Variants in EXOC4 observed in about 807,000 individuals in gnomAD.
The protein encoded by EXOC4 is SEC8-like 1.
EXOC4 carries 71 observed loss-of-function variants against 107.2 expected under a neutral mutation model. That is an observed-to-expected ratio of 0.66 (90% CI 0.55 to 0.81). The LOEUF (loss-of-function observed/expected upper bound fraction) is 0.81. Ranked by LOEUF, EXOC4 falls within the 30% of genes least tolerant of loss-of-function variation. The pLI is 0.00. For synonymous variants in EXOC4, 456 were observed against 441.2 expected (o/e 1.03, Z -0.42); for missense variants, 1,108 against 1,189.6 (o/e 0.93, Z 1.01).
chr7:133,327,265 G>A (rs1348134396), intron 5 of EXOC4, among the ~76,000 whole-genome samples: 1 of 152,204 alleles, frequency 6.6e-6, no homozygotes, highest in Non-Finnish European at 1.5e-5. Flanking sequence ...CAGTACCTCA[G>A]TTGGAAATGC....
chr7:133,319,880 G>C (rs1336607154), intron 5 of EXOC4, among the ~76,000 whole-genome samples: 1 of 144,228 alleles, frequency 6.9e-6, no homozygotes, highest in Non-Finnish European at 1.5e-5. Flanking sequence ...AAAAAAGAAG[G>C]TAAAAATATT....
At chr7:133,391,138 T>C (rs1309084264) in intron 7 of EXOC4, among the ~76,000 whole-genome samples, 2 of 152,234 alleles carry the variant, frequency 1.3e-5, no homozygotes, top group Admixed American at 1.3e-4. Context: ...CAAACATTTT[T>C]TGACTAGCCA....
intron 13 of EXOC4, among the ~76,000 whole-genome samples, chr7:133,927,528 G>A (rs1256374770): frequency 6.6e-6 from 1 of 152,166 alleles, no homozygotes; most frequent in Non-Finnish European, 1.5e-5. Flanking sequence ...AAGTTTGAAG[G>A]AGTAAATGAA....
chr7:134,100,656 A>C, the EXOC4 span, among the ~76,000 whole-genome samples: 1 of 130,592 alleles, frequency 7.7e-6, no homozygotes, highest in Non-Finnish European at 1.7e-5. Flanking sequence ...AAGACATCTA[A>C]ATTTTGGAGC....
At chr7:133,398,508 C>G (rs1797021028) in intron 7 of EXOC4, among the ~76,000 whole-genome samples, 2 of 152,124 alleles carry the variant, frequency 1.3e-5, no homozygotes, top group South Asian at 4.1e-4. Flanking sequence ...ATTTCATGCT[C>G]TCTCTTTGCA....
At chr7:134,074,362 T>C in the EXOC4 span, among the ~76,000 whole-genome samples, 1 of 152,226 alleles carries the variant, frequency 6.6e-6, no homozygotes, top group Non-Finnish European at 1.5e-5. Flanking sequence ...AAGAAGCTTG[T>C]TAACCAGACT....
At chr7:133,470,248 GCATGTATAACCAC>G (rs1584942391) in intron 7 of EXOC4, among the ~76,000 whole-genome samples, 1 of 152,154 alleles carries the variant, frequency 6.6e-6, no homozygotes, top group East Asian at 1.9e-4. Context: ...AAAAACCTCT[GCATGTATAACCAC>G]AAACAGTTAT....
intron 9 of EXOC4, among the ~76,000 whole-genome samples, chr7:133,501,873 A>G (rs951188081): frequency 1.3e-5 from 2 of 152,112 alleles, no homozygotes; most frequent in Non-Finnish European, 2.9e-5. Flanking sequence ...AAGCCCACTT[A>G]TTATTTCCTC....
At chr7:134,088,471 A>G in the EXOC4 span, among the ~76,000 whole-genome samples, 1 of 152,182 alleles carries the variant, frequency 6.6e-6, no homozygotes, top group African/African-American at 2.4e-5. Context: ...TGTCTTTGAA[A>G]AACAAAACAA....
At position 133,483,949 on chromosome 7, in the gene EXOC4, A is replaced by G. The variant is rs781086328; in HGVS notation, c.1417+3811A>G. 3 of 1,331,982 alleles carry G rather than the reference A, an allele frequency of 2.3e-6. No homozygotes were observed. The Admixed American group carries it at 5.2e-5, about 23-fold the overall frequency. 82.5% of individuals were successfully genotyped at this position (1,331,982 alleles called of 1,614,324 possible). On this transcript the variant is annotated intron_variant, in intron 9 of 17. Transcript: ENST00000253861. ...AGTCAAACCGTAAGAGACTAAGGGA[A>G]GATTTTTGTTTCTTCTGTTAACACC...
chr7:133,436,095 A>G (rs1231370228), intron 7 of EXOC4, among the ~76,000 whole-genome samples: 1 of 142,130 alleles, frequency 7.0e-6, no homozygotes, highest in Non-Finnish European at 1.5e-5. Flanking sequence ...TGCTCTTGCT[A>G]TTCATTTCAA....
At chr7:133,505,427 T>C (rs1799648825) in intron 9 of EXOC4, among the ~76,000 whole-genome samples, 1 of 152,156 alleles carries the variant, frequency 6.6e-6, no homozygotes, top group Admixed American at 6.6e-5. Flanking sequence ...GTTTGAATTG[T>C]ATGATTTTTG....
intron 14 of EXOC4, among the ~76,000 whole-genome samples, chr7:133,972,723 G>A (rs1172359084): frequency 6.6e-6 from 1 of 152,128 alleles, no homozygotes; most frequent in Non-Finnish European, 1.5e-5. Context: ...GAATTTTTTG[G>A]TAATTTTGTG....
chr7:134,060,798 T>G (rs1032086092), intron 17 of EXOC4, among the ~76,000 whole-genome samples: 1 of 152,250 alleles, frequency 6.6e-6, no homozygotes, highest in African/African-American at 2.4e-5. Context: ...AATTTCCTTC[T>G]GTCTTTAAAT....
chr7:133,751,835 C>G (rs1436636293), intron 10 of EXOC4, among the ~76,000 whole-genome samples: 1 of 151,644 alleles, frequency 6.6e-6, no homozygotes, highest in East Asian at 1.9e-4. Context: ...TCTGAATTTT[C>G]TAATTTATTT....
intron 9 of EXOC4, among the ~76,000 whole-genome samples, chr7:133,518,313 C>G (rs1799918591): frequency 1.4e-5 from 2 of 142,844 alleles, no homozygotes; most frequent in Non-Finnish European, 1.5e-5. Flanking sequence ...TCGTTACAGT[C>G]TTCTATACTG....
At chr7:133,884,618 TGTGC>T (rs908105006) in intron 11 of EXOC4, among the ~76,000 whole-genome samples, 9 of 145,498 alleles carry the variant, frequency 6.2e-5, no homozygotes, top group East Asian at 2.0e-4. Context: ...TGTGTGTGTG[TGTGC>T]GCGCGTGTGT....
At chr7:133,576,796 C>T (rs1437831720) in intron 9 of EXOC4, 1 of 1,289,532 alleles carries the variant, frequency 7.8e-7, no homozygotes, top group African/African-American at 1.5e-5. Context: ...GACAGCCCTT[C>T]TGTGCATGGC....
intron 17 of EXOC4, among the ~76,000 whole-genome samples, chr7:134,018,916 GT>G (rs1794967211): frequency 6.6e-6 from 1 of 151,858 alleles, no homozygotes; most frequent in African/African-American, 2.4e-5. Flanking sequence ...TTCGATGTAT[GT>G]TTGTTTTTGT....
Sources: gnomAD v4.1 joint callset for allele counts (sites outside exome capture counted in the v4.1 genomes callset) on GRCh38, gnomAD v4.1.1 for gene constraint, MANE v1.5 for transcripts, NCBI Gene and HGNC (gene_info 2026-07-23, HGNC 2026-07-21) for gene names.